The following FBXL17 variants were observed in gnomAD, a reference collection of about 807,000 sequenced individuals.
FBXL17 encodes F-box/LRR-repeat protein 17.
A neutral mutation model predicts 66.2 loss-of-function variants in FBXL17; 22 were observed. The ratio of observed to expected loss-of-function variants is 0.33; its 90% CI spans 0.24 to 0.47. The LOEUF is 0.47. Among genes scored for constraint, FBXL17 ranks in the 20% least tolerant of loss-of-function variants. The pLI, the probability that FBXL17 is intolerant of heterozygous loss-of-function variation, is 1.00. For synonymous variants in FBXL17, 474 were observed against 400.5 expected (o/e 1.18, Z -2.19); for missense variants, 878 against 948.2 (o/e 0.93, Z 0.97).
At chr5:107,987,020 C>A (rs115604819) in intron 7 of FBXL17, among the ~76,000 whole-genome samples, 2 of 151,504 alleles carry the variant, frequency 1.3e-5, no homozygotes, top group South Asian at 2.1e-4. Flanking sequence ...AAACTCAGGA[C>A]AAAAATGTCA....
intron 6 of FBXL17, among the ~76,000 whole-genome samples, chr5:108,111,734 C>T (rs1037895232): frequency 1.3e-5 from 2 of 152,190 alleles, no homozygotes; most frequent in Non-Finnish European, 2.9e-5. Flanking sequence ...CGGGACCACA[C>T]TTGATTCATC....
intron 6 of FBXL17, among the ~76,000 whole-genome samples, chr5:108,175,154 TTC>T (rs1476051722): frequency 6.6e-6 from 1 of 152,116 alleles, no homozygotes; most frequent in African/African-American, 2.4e-5. Context: ...TGATCTATAA[TTC>T]TCCCAACACG....
At position 108,381,147 on chromosome 5, in the gene FBXL17, G is replaced by A; in HGVS notation, c.545C>T (p.Pro182Leu). ...PPAAVQLFRG[P>L]TPSPAELPTP... ...AGGGAGCTCGGCCGGTGACGGTGTC[G>A]GCCCCCGGAAGAGCTGCACGGCGGC... Residue 182 changes from proline to leucine, a missense_variant, in exon 1 of 9, where the codon CCG becomes CTG. Around this residue, in one of 4 missense-constraint regions of FBXL17, gnomAD observed 605 missense variants for 509.5 expected, o/e 1.19. Coordinates refer to ENST00000542267, the MANE Select transcript of FBXL17 (RefSeq NM_001163315.3). 2 of 1,395,686 alleles carry A rather than the reference G, an allele frequency of 1.4e-6. No homozygotes were observed. Among genetic ancestry groups the A allele is most frequent in the South Asian group, 3.1e-5 (2 of 64,814 alleles). The allele number at this position is 1,395,686 out of a possible 1,614,324, so 86.5% of individuals were successfully genotyped here.
chr5:108,039,631 C>T (rs1046273796), intron 6 of FBXL17, among the ~76,000 whole-genome samples: 3 of 152,024 alleles, frequency 2.0e-5, no homozygotes, highest in African/African-American at 7.2e-5. Context: ...TTAAATATCA[C>T]TTGTTAAAAT....
At chr5:107,862,396 T>C (rs1748149470) in intron 8 of FBXL17, among the ~76,000 whole-genome samples, 1 of 152,124 alleles carries the variant, frequency 6.6e-6, no homozygotes, top group Non-Finnish European at 1.5e-5. Context: ...AATTAAAACA[T>C]ACATGGCTGG....
At chr5:108,365,053 AT>A in intron 2 of FBXL17, 58 bp from the exon 3 acceptor site, 1 of 1,258,838 alleles carries the variant, frequency 7.9e-7, no homozygotes, top group Non-Finnish European at 1.1e-6. Flanking sequence ...CGTATTTTCC[AT>A]TTTTTAATTA....
At chr5:108,034,010 C>G (rs1211690535) in intron 6 of FBXL17, among the ~76,000 whole-genome samples, 2 of 152,082 alleles carry the variant, frequency 1.3e-5, no homozygotes, top group Admixed American at 1.3e-4. Flanking sequence ...ATGCATTTTA[C>G]AGGCAATACT....
intron 6 of FBXL17, among the ~76,000 whole-genome samples, chr5:108,074,129 A>T (rs1748451022): frequency 6.6e-6 from 1 of 152,038 alleles, no homozygotes; most frequent in South Asian, 2.1e-4. Flanking sequence ...CCACTGGGGG[A>T]CTGTGATGCT....
At chr5:108,146,658 A>G (rs1217361302) in intron 6 of FBXL17, among the ~76,000 whole-genome samples, 2 of 152,208 alleles carry the variant, frequency 1.3e-5, no homozygotes, top group Non-Finnish European at 2.9e-5. Context: ...AAGATCTAGA[A>G]GACTCCTGGA....
At chr5:108,274,540 T>C (rs988189261) in intron 4 of FBXL17, among the ~76,000 whole-genome samples, 1 of 152,182 alleles carries the variant, frequency 6.6e-6, no homozygotes, top group African/African-American at 2.4e-5. Context: ...GTACAATTTG[T>C]GCAGTTAATG....
Position 107,861,180 on chromosome 5 carries a change from C to T in FBXL17, c.*540G>A, listed in dbSNP as rs531444013. On this transcript the variant is annotated 3_prime_UTR_variant, in exon 9 of 9. Transcript: ENST00000542267. ...AGGCAGTGCCACAGTGGATAACATG[C>T]TACCTTAGTGGCCTGGAAGAAGGCT... 14 of 152,352 alleles carry T rather than the reference C, an allele frequency of 9.2e-5. No individual in the cohort carries two copies. The highest frequency in any genetic ancestry group is 6.2e-4 in the South Asian group (3 of 4,822). The allele number at this position is 152,352 out of a possible 1,614,324, so 9.4% of individuals were successfully genotyped here.
intron 8 of FBXL17, among the ~76,000 whole-genome samples, chr5:107,873,654 G>A (rs1324091835): frequency 6.6e-6 from 1 of 152,168 alleles, no homozygotes; most frequent in African/African-American, 2.4e-5. Flanking sequence ...GGTGAAGTCA[G>A]GTGATTAAGA....
chr5:108,224,119 A>G lies in FBXL17; in HGVS notation c.1614+2T>C. On this transcript the variant is annotated splice_donor_variant, in intron 5 of 8. Coordinates refer to ENST00000542267, the MANE Select transcript of FBXL17 (RefSeq NM_001163315.3). LOFTEE classifies it high-confidence loss of function. The stretch of plus-strand genomic sequence containing the variant: ...CCAAGGAAAAGCAGCCATAGTACCT[A>G]CCTTGGTTAGGTGAATGACTCCTTT... The G allele has an allele frequency of 6.5e-7, 1 of 1,544,314 alleles. No homozygotes were observed. Among genetic ancestry groups the G allele is most frequent in the Non-Finnish European group, 8.9e-7 (1 of 1,119,202 alleles).
chr5:107,923,139 G>T (rs910297466), intron 7 of FBXL17, among the ~76,000 whole-genome samples: 29 of 152,226 alleles, frequency 1.9e-4, no homozygotes, highest in Non-Finnish European at 3.8e-4. Flanking sequence ...TATGTTGTGG[G>T]GAGGAGGAGA....
At chr5:108,167,048 A>G (rs75168142) in intron 6 of FBXL17, among the ~76,000 whole-genome samples, 1 of 152,342 alleles carries the variant, frequency 6.6e-6, no homozygotes, top group South Asian at 2.1e-4. Context: ...AGCATAAAAT[A>G]TAAGTAGAGA....
chr5:108,143,209 T>A (rs921610402), intron 6 of FBXL17, among the ~76,000 whole-genome samples: 2 of 151,924 alleles, frequency 1.3e-5, no homozygotes, highest in African/African-American at 4.8e-5. Flanking sequence ...GACCACTGCC[T>A]TACATGATGA....
intron 6 of FBXL17, among the ~76,000 whole-genome samples, chr5:108,130,818 C>T (rs1750904403): frequency 1.3e-5 from 2 of 152,106 alleles, no homozygotes; most frequent in African/African-American, 4.8e-5. Context: ...CTTGTAAGTT[C>T]AATTAATAAC....
intron 4 of FBXL17, among the ~76,000 whole-genome samples, chr5:108,344,028 T>C (rs1747080962): frequency 6.6e-6 from 1 of 152,170 alleles, no homozygotes; most frequent in African/African-American, 2.4e-5. Flanking sequence ...GTATCCTTTC[T>C]GCAAGGAAGG....
At chr5:108,018,972 A>G (rs1754484823) in intron 7 of FBXL17, among the ~76,000 whole-genome samples, 1 of 152,186 alleles carries the variant, frequency 6.6e-6, no homozygotes, top group Admixed American at 6.6e-5. Context: ...GAAACACTGA[A>G]CTAAAATAAT....
Sources: gnomAD v4.1 joint callset for allele counts (sites outside exome capture counted in the v4.1 genomes callset) on GRCh38, gnomAD v4.1.1 for gene constraint, gnomAD v4.1.1 regional missense constraint, MANE v1.5 for transcripts, NCBI Gene and HGNC (gene_info 2026-07-23, HGNC 2026-07-21) for gene names.